The following LCK variants were observed in gnomAD, a reference collection of about 807,000 sequenced individuals.
LCK encodes LCK proto-oncogene, Src family tyrosine kinase, also known as tyrosine-protein kinase Lck.
Under a neutral mutation model 64.6 loss-of-function variants are expected in LCK, and 14 were observed. The observed-to-expected ratio is 0.22, with a 90% CI of 0.14 to 0.34. The LOEUF is 0.34. Ranked by LOEUF, LCK falls within the 10% of genes least tolerant of loss-of-function variation. LCK has a pLI of 1.00. For synonymous variants in LCK, 277 were observed against 263.6 expected (o/e 1.05, Z -0.49); for missense variants, 434 against 668.1 (o/e 0.65, Z 3.86).
At chr1:32,265,140 G>A (rs879048009) in intron 1 of LCK, among the ~76,000 whole-genome samples, 6 of 150,660 alleles carry the variant, frequency 4.0e-5, no homozygotes, top group Non-Finnish European at 7.4e-5. Flanking sequence ...CCAAGATTGC[G>A]CCACTGCACT....
intron 12 of LCK, among the ~76,000 whole-genome samples, chr1:32,284,412 A>G (rs1260533154): frequency 6.6e-6 from 1 of 151,484 alleles, no homozygotes; most frequent in Non-Finnish European, 1.5e-5. Context: ...CTCAGGCTGG[A>G]GTGCAGTGGC....
intron 1 of LCK, among the ~76,000 whole-genome samples, chr1:32,267,073 C>T (rs1639945035): frequency 4.0e-5 from 6 of 151,648 alleles, no homozygotes; most frequent in Admixed American, 4.0e-4. Flanking sequence ...ACAGGATGCT[C>T]ACTACCTCAC....
intron 1 of LCK, among the ~76,000 whole-genome samples, chr1:32,271,490 A>G (rs1009787984): frequency 6.6e-6 from 1 of 152,150 alleles, no homozygotes; most frequent in South Asian, 2.1e-4. Context: ...CAGTCCGGGC[A>G]ACATAGCAAT....
rs566869427 is a variant in LCK at position 32,251,805 on chromosome 1, G to A, written c.-6+434G>A. ...GGCTGAGGCTGTGGCCACCCCGCCT[G>A]GAGCAGGGTGATGGACAGGCTGGAC... On this transcript the variant is annotated intron_variant, in intron 1 of 12. Coordinates refer to ENST00000336890, the MANE Select transcript of LCK (RefSeq NM_005356.5). The surrounding 1 kb of genome is among the most constrained non-coding windows in gnomAD (Gnocchi z 4.0). Among the ~76,000 whole-genome samples, 266 of 152,168 alleles carry A rather than the reference G, an allele frequency of 1.7e-3. No homozygotes were observed. Among genetic ancestry groups the A allele is most frequent in the African/African-American group, 6.2e-3 (256 of 41,526 alleles).
chr1:32,281,459 CA>C (rs1218686624), intron 12 of LCK, among the ~76,000 whole-genome samples: 815 of 60,942 alleles, frequency 0.013, 8 homozygotes, highest in African/African-American at 0.033. Context: ...GAATTTGTCT[CA>C]AAAAAAAAAA....
chr1:32,264,767 A>T (rs1009421822), intron 1 of LCK, among the ~76,000 whole-genome samples: 1 of 151,920 alleles, frequency 6.6e-6, no homozygotes, highest in Admixed American at 6.6e-5. Context: ...AGTTAAAAAA[A>T]TTTTTCTTTT....
intron 1 of LCK, among the ~76,000 whole-genome samples, chr1:32,256,550 A>G (rs1038990964): frequency 6.6e-6 from 1 of 151,876 alleles, no homozygotes; most frequent in Non-Finnish European, 1.5e-5. Context: ...GTGAACCGAG[A>G]TCGTGCCATT....
chr1:32,256,269 C>G (rs1307849531), intron 1 of LCK, among the ~76,000 whole-genome samples: 1 of 151,848 alleles, frequency 6.6e-6, no homozygotes, highest in African/African-American at 2.4e-5. Context: ...TCCCAAGTAG[C>G]TGGGACTATA....
chr1:32,256,481 C>T (rs575599283), intron 1 of LCK, among the ~76,000 whole-genome samples: 2 of 151,824 alleles, frequency 1.3e-5, no homozygotes, highest in African/African-American at 4.8e-5. Flanking sequence ...GCCTGTAATC[C>T]CAGTTACTTG....
At chr1:32,274,199 T>C (rs751257331) in intron 1 of LCK, 126 bp from the exon 2 acceptor site, 3 of 1,533,818 alleles carry the variant, frequency 2.0e-6, no homozygotes, top group East Asian at 2.4e-5. Flanking sequence ...GGCTGGTGAA[T>C]GGGGATCCCA....
At position 32,280,106 on chromosome 1, in the gene LCK, C is replaced by T; in HGVS notation, c.1223C>T (p.Ala408Val). The part of the protein sequence containing the change: ...EGAKFPIKWT[A>V]PEAINYGTFT... ...GCCAAGTTTCCCATTAAGTGGACAG[C>T]GCCAGAAGCCATTAACTACGGGACA... The change falls in exon 12 of 13, where the codon GCG (alanine) becomes GTG (valine). Residue 408 changes from alanine to valine, a missense_variant. Physicochemically the swap from Ala to Val is moderately conservative, Grantham distance 64. Coordinates refer to ENST00000336890, the MANE Select transcript of LCK (RefSeq NM_005356.5). The T allele has an allele frequency of 1.2e-6, 2 of 1,614,118 alleles. No homozygotes were observed. The highest frequency in any genetic ancestry group is 1.7e-5 in the Admixed American group (1 of 59,996).
At chr1:32,285,411 T>C in intron 12 of LCK, 103 bp from the exon 13 acceptor site, 2 of 1,020,328 alleles carry the variant, frequency 2.0e-6, no homozygotes, top group Non-Finnish European at 3.1e-6. Flanking sequence ...AAGATTCTTT[T>C]GGATTGGTGC....
intron 1 of LCK, among the ~76,000 whole-genome samples, chr1:32,269,174 C>A (rs145895618): frequency 2.0e-5 from 3 of 146,356 alleles, no homozygotes; most frequent in Non-Finnish European, 4.5e-5. Flanking sequence ...TGGTGGTTCA[C>A]GCCTGTAATC....
At chr1:32,263,698 C>T (rs1456946720) in intron 1 of LCK, among the ~76,000 whole-genome samples, 3 of 151,990 alleles carry the variant, frequency 2.0e-5, no homozygotes, top group African/African-American at 7.2e-5. Flanking sequence ...GTTACTTGAG[C>T]CCAGGAGTTC....
chr1:32,260,025 A>ATTTTAT (rs1007530265), intron 1 of LCK, among the ~76,000 whole-genome samples: 3 of 151,418 alleles, frequency 2.0e-5, no homozygotes, highest in African/African-American at 4.8e-5. Context: ...TTTTTTTTTA[A>ATTTTAT]TTTTATTTTT....
chr1:32,283,106 T>C (rs1416013421), intron 12 of LCK, among the ~76,000 whole-genome samples: 1 of 151,770 alleles, frequency 6.6e-6, no homozygotes. Flanking sequence ...CTGACCAACA[T>C]AGTGAAACCC....
Position 32,279,720 on chromosome 1 carries a change from C to G in LCK, c.1014C>G (p.Ile338Met), listed in dbSNP as rs1640391545. The G allele has an allele frequency of 6.2e-6, 10 of 1,613,004 alleles. No homozygotes were observed. Among genetic ancestry groups the G allele is most frequent in the Non-Finnish European group, 8.5e-6 (10 of 1,179,190 alleles). ...CCCCTTCAGGCATCAAGTTGACCAT[C>G]AACAAACTCCTGGACATGGCAGCCC... ...LKTPSGIKLT[I>M]NKLLDMAAQI... Residue 338 changes from isoleucine to methionine, a missense_variant, in exon 10 of 13, where the codon ATC becomes ATG. Coordinates refer to ENST00000336890, the MANE Select transcript of LCK (RefSeq NM_005356.5).
At position 32,276,270 on chromosome 1, in the gene LCK, T is replaced by A; in HGVS notation, c.632-67T>A. The stretch of plus-strand genomic sequence containing the variant: ...TCACCTAGATGGGGGCTTGGAGAAG[T>A]GGGGGAGGTGGTGTCAATACGAGGC... On this transcript the variant is annotated intron_variant, in intron 7 of 12. Coordinates refer to ENST00000336890, the MANE Select transcript of LCK (RefSeq NM_005356.5). This position sits in a 1 kb window ranked among gnomAD's most constrained non-coding sequence, Gnocchi z 4.6. 1 of 1,512,502 alleles carries A rather than the reference T, an allele frequency of 6.6e-7. No individual in the cohort carries two copies. Among genetic ancestry groups the A allele is most frequent in the Non-Finnish European group, 8.8e-7 (1 of 1,134,488 alleles). 93.7% of individuals were successfully genotyped at this position (1,512,502 alleles called of 1,614,324 possible). A position where few individuals can be genotyped will look rare whatever the true frequency, so the allele number is the denominator to read the frequency against.
rs11576031 is a variant in LCK, at chr1:32,275,605, G to T, written c.414G>T (p.Glu138Asp). Reference protein sequence around the residue: ...FFKNLSRKDAERQLLAPGNTH... With the variant: ...FFKNLSRKDADRQLLAPGNTH... ...AGAACCTGAGCCGCAAGGACGCGGA[G>T]CGGCAGCTCCTGGCGCCCGGGAACA... Residue 138 changes from glutamate (E) to aspartate (D), a missense_variant, in exon 6 of 13, where the codon GAG (glutamate) becomes GAT (aspartate). Glu to Asp is a conservative substitution (Grantham distance 45). This residue lies in a region of LCK where 233 missense variants were observed against 291.2 expected (regional missense o/e 0.80). Transcript: ENST00000336890. This position sits in a 1 kb window ranked among gnomAD's most constrained non-coding sequence, Gnocchi z 6.9. 6.4e-7 allele frequency: 1 copy of T among 1,574,662 alleles called. No individual in the cohort carries two copies. The highest frequency in any genetic ancestry group is 1.9e-5 in the Admixed American group (1 of 53,564).
Sources: gnomAD v4.1 joint callset for allele counts (sites outside exome capture counted in the v4.1 genomes callset) on GRCh38, gnomAD v4.1.1 for gene constraint, gnomAD v4.1.1 regional missense constraint, Gnocchi (gnomAD v3.1) non-coding constraint, MANE v1.5 for transcripts, NCBI Gene and HGNC (gene_info 2026-07-23, HGNC 2026-07-21) for gene names.